CSGALNACT1: variants seen among roughly 807,000 people sequenced by gnomAD.
The protein encoded by CSGALNACT1 is chondroitin sulfate N-acetylgalactosaminyltransferase 1, also known as beta4GalNAcT-1.
CSGALNACT1 carries 52 observed loss-of-function variants against 51.0 expected under a neutral mutation model. The observed-to-expected ratio is 1.02, with a 90% CI of 0.82 to 1.29. The LOEUF is 1.29. CSGALNACT1 is among the 50% of genes most tolerant of loss of function. CSGALNACT1 has a pLI of 0.00. For synonymous variants in CSGALNACT1, 341 were observed against 254.4 expected, an observed-to-expected ratio of 1.34 and a Z score of -3.24; for missense variants, 935 against 679.2, an observed-to-expected ratio of 1.38 and a Z score of -4.19.
intron 1 of CSGALNACT1, among the ~76,000 whole-genome samples, chr8:19,667,711 T>C (rs528099368): frequency 6.6e-6 from 1 of 152,284 alleles, no homozygotes; most frequent in African/African-American, 2.4e-5. Flanking sequence ...GCTGCAAAGG[T>C]CATTTGCTGC....
chr8:19,404,255 C>G (rs1386640156), exon 10 of CSGALNACT1: 1 of 440,174 alleles, frequency 2.3e-6, no homozygotes, highest in African/African-American at 2.0e-5. Flanking sequence ...CAGTACAAAT[C>G]AATACAATGC....
chr8:19,631,002 G>A (rs186325924), intron 1 of CSGALNACT1, among the ~76,000 whole-genome samples: 2 of 152,114 alleles, frequency 1.3e-5, no homozygotes, highest in South Asian at 2.1e-4. Flanking sequence ...ATTGGAGCTC[G>A]CTGGGTTTTG....
intron 3 of CSGALNACT1, among the ~76,000 whole-genome samples, chr8:19,510,074 C>T (rs995538271): frequency 2.0e-5 from 3 of 152,012 alleles, no homozygotes; most frequent in Admixed American, 2.0e-4. Context: ...TGTAGAAAAT[C>T]CTTATGCTCA....
At chr8:19,620,188 G>A (rs894497431) in intron 1 of CSGALNACT1, among the ~76,000 whole-genome samples, 1 of 151,748 alleles carries the variant, frequency 6.6e-6, no homozygotes, top group African/African-American at 2.4e-5. Context: ...TGAGGTACAT[G>A]CCTGTAAACC....
chr8:19,658,714 AC>A (rs1031941489), intron 1 of CSGALNACT1, among the ~76,000 whole-genome samples: 7 of 152,130 alleles, frequency 4.6e-5, no homozygotes, highest in African/African-American at 1.7e-4. Flanking sequence ...AGCCTGGGTG[AC>A]AAAGCAAGGC....
chr8:19,513,103 T>G (rs1441701625), intron 3 of CSGALNACT1, among the ~76,000 whole-genome samples: 2 of 152,076 alleles, frequency 1.3e-5, no homozygotes, highest in East Asian at 3.9e-4. Context: ...CATGTCAACA[T>G]GCTTCCTGTT....
chr8:19,469,913 C>G (rs1046841192), intron 4 of CSGALNACT1, among the ~76,000 whole-genome samples: 2 of 151,974 alleles, frequency 1.3e-5, no homozygotes, highest in East Asian at 3.9e-4. Context: ...ATTTGCTTCA[C>G]AGAAGGAGAA....
At chr8:19,756,066 T>C (rs921009774) in intron 1 of CSGALNACT1, among the ~76,000 whole-genome samples, 1 of 152,208 alleles carries the variant, frequency 6.6e-6, no homozygotes. Flanking sequence ...TCTGCGTCTA[T>C]TTCCAAGTTT....
At chr8:19,459,357 T>C (rs369114753) in intron 4 of CSGALNACT1, among the ~76,000 whole-genome samples, 40 of 128,332 alleles carry the variant, frequency 3.1e-4, no homozygotes, top group African/African-American at 1.2e-3. Flanking sequence ...CACTCCAGTA[T>C]GGGCAACAGA....
rs147785326 is a variant in CSGALNACT1 at position 19,651,755 on chromosome 8, T to A, written c.-544+30718A>T. ...TGCATGTGCATTTATGGTAGAATGA[T>A]TTTTATTTCTTTGGGTATATACTCA... On this transcript the variant is annotated intron_variant, in intron 1 of 9. Coordinates refer to the CSGALNACT1 transcript ENST00000332246. Among the ~76,000 whole-genome samples the A allele has an allele frequency of 1.6e-3, 241 of 152,272 alleles. 1 individual carries two copies. Among genetic ancestry groups the A allele is most frequent in the African/African-American group, 5.2e-3 (217 of 41,556 alleles).
At chr8:19,625,656 G>A (rs2054355668) in intron 1 of CSGALNACT1, among the ~76,000 whole-genome samples, 1 of 152,212 alleles carries the variant, frequency 6.6e-6, no homozygotes, top group Non-Finnish European at 1.5e-5. Context: ...GGATCATGCT[G>A]TCTCTGCAAC....
chr8:19,728,446 G>A (rs1007107516), intron 1 of CSGALNACT1, among the ~76,000 whole-genome samples: 17 of 152,306 alleles, frequency 1.1e-4, no homozygotes, highest in African/African-American at 3.8e-4. Flanking sequence ...ATCTGTTTGA[G>A]AAGCTCAAAG....
intron 5 of CSGALNACT1, among the ~76,000 whole-genome samples, chr8:19,441,256 G>A (rs933158356): frequency 3.8e-4 from 58 of 152,264 alleles, no homozygotes; most frequent in Middle Eastern, 3.4e-3. Context: ...AGCCTGCATC[G>A]CCAAGTCAAT....
In CSGALNACT1 at chr8:19,616,460, G is replaced by A. The variant is rs572359056; in HGVS notation, c.-543-14595C>T. 3.3e-5 allele frequency among the ~76,000 whole-genome samples: 5 copies of A among 152,182 alleles called. No individual in the cohort carries two copies. The South Asian group carries it at 1.0e-3, about 32-fold the overall frequency. ...TCACCTTCAGGCTCCAAAACCCCAT[G>A]ATTTTTATTTTCATCCAAGGACTGG... is the stretch of plus-strand genomic sequence containing the variant. On this transcript the variant is annotated intron_variant, in intron 1 of 9. Coordinates refer to the CSGALNACT1 transcript ENST00000332246.
chr8:19,506,174 G>A (rs1275965091), intron 3 of CSGALNACT1, 44 bp from the exon 3 acceptor site: 4 of 515,472 alleles, frequency 7.8e-6, no homozygotes, highest in African/African-American at 3.8e-5. Context: ...TCAAGACAAC[G>A]ACTCCCTCAT....
At chr8:19,488,148 G>A (rs1022571669) in intron 4 of CSGALNACT1, among the ~76,000 whole-genome samples, 6 of 151,770 alleles carry the variant, frequency 4.0e-5, no homozygotes, top group South Asian at 2.1e-4. Context: ...TCAGGAGCTC[G>A]AGACCAGCCT....
intron 1 of CSGALNACT1, among the ~76,000 whole-genome samples, chr8:19,619,539 A>C (rs1456910153): frequency 6.6e-6 from 1 of 152,148 alleles, no homozygotes; most frequent in Admixed American, 6.5e-5. Flanking sequence ...AGAAGGTTCC[A>C]GCAGTTACCC....
chr8:19,705,353 T>G (rs2062097844), intron 1 of CSGALNACT1, among the ~76,000 whole-genome samples: 1 of 152,228 alleles, frequency 6.6e-6, no homozygotes, highest in Admixed American at 6.5e-5. Context: ...GTTCAATAAT[T>G]ATTTTCTAAT....
chr8:19,604,126 AAG>A (rs1259600172), upstream of CSGALNACT1, among the ~76,000 whole-genome samples: 12 of 152,302 alleles, frequency 7.9e-5, 1 homozygote, highest in South Asian at 2.5e-3. Flanking sequence ...TCCTCCAGAG[AAG>A]AGTCATCTCA....
Sources: gnomAD v4.1 joint callset for allele counts (sites outside exome capture counted in the v4.1 genomes callset) on GRCh38, gnomAD v4.1.1 for gene constraint, MANE v1.5 for transcripts, NCBI Gene and HGNC (gene_info 2026-07-23, HGNC 2026-07-21) for gene names.